PPP1R21: variants seen among roughly 807,000 people sequenced by gnomAD.
The protein encoded by PPP1R21 is protein phosphatase 1 regulatory subunit 21.
A neutral mutation model predicts 112.8 loss-of-function variants in PPP1R21; 85 were observed. That is an observed-to-expected ratio of 0.75 (90% confidence interval 0.63 to 0.90). PPP1R21 has a LOEUF of 0.90. Ranked by LOEUF, PPP1R21 falls within the 40% of genes least tolerant of loss-of-function variation. PPP1R21 has a pLI of 0.00. For missense variants in PPP1R21, 1,199 were observed against 901.5 expected (o/e 1.33, Z -4.23); for synonymous variants, 381 against 322.3 (o/e 1.18, Z -1.95).
rs370161925 is a variant in PPP1R21 at position 48,494,628 on chromosome 2, C to T, written c.1600-1051C>T. Among the ~76,000 whole-genome samples the T allele has an allele frequency of 7.0e-4, 106 of 152,138 alleles. No homozygotes were observed. The South Asian group carries it at 0.021, about 30-fold the overall frequency. On this transcript the variant is annotated intron_variant, in intron 15 of 21. Transcript: ENST00000294952. ...ACGGGGTTTCACCATGTTGGTCAGG[C>T]TGGTCTCGAACTCCTGACCTTAGGA...
intron 17 of PPP1R21, among the ~76,000 whole-genome samples, chr2:48,503,141 G>GT (rs1320391052): frequency 6.6e-6 from 1 of 152,060 alleles, no homozygotes; most frequent in Non-Finnish European, 1.5e-5. Flanking sequence ...ATACATTTCT[G>GT]TTTTTTGCCG....
At chr2:48,498,821 G>A (rs1309158466) in intron 17 of PPP1R21, 86 bp downstream of exon 17, 3 of 1,341,054 alleles carry the variant, frequency 2.2e-6, no homozygotes, top group Non-Finnish European at 3.1e-6. Flanking sequence ...CATTGTCTTA[G>A]TTCATTCAGG....
intron 11 of PPP1R21, among the ~76,000 whole-genome samples, chr2:48,472,747 G>A (rs567361123): frequency 1.3e-5 from 2 of 152,050 alleles, no homozygotes; most frequent in Middle Eastern, 3.4e-3. Flanking sequence ...CCAGGAATTC[G>A]AGAACAGCCT....
At chr2:48,483,195 C>CT (rs755036470) in intron 13 of PPP1R21, among the ~76,000 whole-genome samples, 50,249 of 79,708 alleles carry the variant, frequency 0.63, 16,418 homozygotes, top group Non-Finnish European at 0.68. Context: ...CTTTTTTTTC[C>CT]TTTTTTTTTT....
chr2:48,472,485 G>A (rs748166732), intron 11 of PPP1R21, among the ~76,000 whole-genome samples: 5 of 151,322 alleles, frequency 3.3e-5, no homozygotes, highest in East Asian at 2.0e-4. Flanking sequence ...AATTAGCCGG[G>A]CGTGGTGGTG....
intron 1 of PPP1R21, among the ~76,000 whole-genome samples, chr2:48,449,776 T>A (rs1236123409): frequency 2.6e-5 from 4 of 151,578 alleles, no homozygotes; most frequent in Non-Finnish European, 5.9e-5. Flanking sequence ...TTTTTTTTTT[T>A]AAAGCTCACA....
At chr2:48,498,464 T>G (rs370958668) in intron 16 of PPP1R21, 29 bp from the exon 17 acceptor site, 3 of 1,612,068 alleles carry the variant, frequency 1.9e-6, no homozygotes, top group African/African-American at 2.7e-5. Context: ...TATTAGTCTC[T>G]AAGATACAAC....
At chr2:48,499,445 G>A (rs1015432330) in intron 17 of PPP1R21, among the ~76,000 whole-genome samples, 26 of 152,272 alleles carry the variant, frequency 1.7e-4, no homozygotes, top group African/African-American at 5.1e-4. Flanking sequence ...ACAGGAAGCC[G>A]AGAGTGATGG....
intron 18 of PPP1R21, 163 bp from the exon 19 acceptor site, chr2:48,507,106 T>C: frequency 3.0e-6 from 3 of 998,274 alleles, no homozygotes; most frequent in Non-Finnish European, 4.1e-6. Context: ...AATATACACT[T>C]CCCTGCTATG....
At chr2:48,445,135 CTTTTTTTTTT>C (rs756357658) in intron 1 of PPP1R21, among the ~76,000 whole-genome samples, 1 of 102,636 alleles carries the variant, frequency 9.7e-6, no homozygotes, top group Admixed American at 1.0e-4. Context: ...TGAATATGAG[CTTTTTTTTTT>C]TTTTTTTTTT....
intron 3 of PPP1R21, 143 bp from the exon 4 acceptor site, chr2:48,457,983 A>G (rs758039267): frequency 1.7e-5 from 11 of 643,182 alleles, no homozygotes; most frequent in Non-Finnish European, 3.0e-5. Context: ...TTAAATGATG[A>G]ACTGTATAGC....
rs1670636376 is a variant in PPP1R21 at position 48,511,454 on chromosome 2, A to C, written c.2299A>C (p.Lys767Gln). The change falls in exon 21 of 22, where the codon AAG becomes CAG. Residue 767 changes from lysine (K) to glutamine (Q), a missense_variant. Coordinates refer to ENST00000294952, the MANE Select transcript of PPP1R21 (RefSeq NM_001135629.3). ...ACAGAGAGAAGAGATTGACACACTA[A>C]AGATGTCCAGTAAGGTATGTGAGGT... ...SKQREEIDTL[K>Q]MSSKGNSKKN... 2 of 1,613,828 alleles carry C rather than the reference A, an allele frequency of 1.2e-6. No individual in the cohort carries two copies. Among genetic ancestry groups the C allele is most frequent in the Admixed American group, 1.7e-5 (1 of 59,938 alleles).
Position 48,456,122 on chromosome 2 carries a change from T to G in PPP1R21, c.273+1381T>G, listed in dbSNP as rs1314828637. Among the ~76,000 whole-genome samples, 4 of 152,156 alleles carry G rather than the reference T, an allele frequency of 2.6e-5. No individual in the cohort carries two copies. The East Asian group carries it at 7.7e-4, about 29-fold the overall frequency. Reference sequence around the variant, plus strand: ...AGCATTTATTCTTACGAGGCCAGTTTGGTGTTCTTGTCTTGAGATTTAGAG... The same window carrying G: ...AGCATTTATTCTTACGAGGCCAGTTGGGTGTTCTTGTCTTGAGATTTAGAG... On this transcript the variant is annotated intron_variant, in intron 3 of 21. Coordinates refer to ENST00000294952, the MANE Select transcript of PPP1R21 (RefSeq NM_001135629.3).
chr2:48,489,783 C>T (rs1304689288), intron 14 of PPP1R21, among the ~76,000 whole-genome samples: 5 of 151,882 alleles, frequency 3.3e-5, no homozygotes, highest in Non-Finnish European at 4.4e-5. Context: ...TGGTGGCTCA[C>T]GCCTGTAATT....
intron 19 of PPP1R21, among the ~76,000 whole-genome samples, chr2:48,509,298 A>G (rs1670526133): frequency 6.6e-6 from 1 of 152,034 alleles, no homozygotes; most frequent in Admixed American, 6.6e-5. Context: ...AAAACACAAG[A>G]AAAGTACCTT....
At chr2:48,505,253 G>C (rs1438409492) in intron 17 of PPP1R21, among the ~76,000 whole-genome samples, 1 of 152,196 alleles carries the variant, frequency 6.6e-6, no homozygotes, top group African/African-American at 2.4e-5. Context: ...TGTAGAAATG[G>C]CAAGTTGTGG....
Position 48,464,942 on chromosome 2 carries a change from A to G in PPP1R21, c.700A>G (p.Ser234Gly). 1 of 1,565,852 alleles carries G rather than the reference A, an allele frequency of 6.4e-7. No homozygotes were observed. The highest frequency in any genetic ancestry group is 8.6e-7 in the Non-Finnish European group (1 of 1,164,788). The change falls in exon 8 of 22, where the codon AGT becomes GGT. Residue 234 changes from serine to glycine, a missense_variant. Transcript: ENST00000294952. Reference protein sequence around the residue: ...EKVPFNDTKYSQYNALNVPLH... With the variant: ...EKVPFNDTKYGQYNALNVPLH... ...ACATTATTTTTCTTCTGTAGAATAT[A>G]GTCAGTACAACGCTCTGAACGTTCC...
At chr2:48,511,523 A>G in intron 21 of PPP1R21, 55 bp downstream of exon 21, 2 of 1,585,620 alleles carry the variant, frequency 1.3e-6, no homozygotes, top group Non-Finnish European at 1.7e-6. Flanking sequence ...AATGTGAGGT[A>G]TTTTATTGTT....
chr2:48,468,827 GTA>G (rs1372276922), intron 9 of PPP1R21, among the ~76,000 whole-genome samples: 5 of 102,196 alleles, frequency 4.9e-5, no homozygotes, highest in African/African-American at 1.6e-4. Flanking sequence ...GAAAAAAAAT[GTA>G]TGTGTGTGTG....
Sources: gnomAD v4.1 joint callset for allele counts (sites outside exome capture counted in the v4.1 genomes callset) on GRCh38, gnomAD v4.1.1 for gene constraint, MANE v1.5 for transcripts, NCBI Gene and HGNC (gene_info 2026-07-23, HGNC 2026-07-21) for gene names.